The following DIS3L2 variants were observed in gnomAD, a reference collection of about 807,000 sequenced individuals.
DIS3L2 encodes the protein DIS3-like exonuclease 2.
DIS3L2 carries 34 observed loss-of-function variants against 97.5 expected under a neutral mutation model. The observed-to-expected ratio is 0.35, with a 90% confidence interval of 0.27 to 0.46. DIS3L2 has a LOEUF of 0.46. Ranked by LOEUF, DIS3L2 falls within the 20% of genes least tolerant of loss-of-function variation. DIS3L2 has a pLI of 1.00. For synonymous variants in DIS3L2, 435 were observed against 445.2 expected (o/e 0.98, Z 0.29); for missense variants, 1,038 against 1,146.0 (o/e 0.91, Z 1.36).
chr2:232,341,138 T>A, downstream of DIS3L2: 1 of 359,654 alleles, frequency 2.8e-6, no homozygotes, highest in South Asian at 2.1e-5. Flanking sequence ...CAGATACATG[T>A]CCCTCGCCTT....
intron 6 of DIS3L2, among the ~76,000 whole-genome samples, chr2:232,098,169 C>T (rs925001610): frequency 5.3e-5 from 8 of 152,094 alleles, no homozygotes; most frequent in African/African-American, 1.2e-4. Flanking sequence ...CCAGACATTC[C>T]TCCCTATGAA....
At chr2:232,114,952 C>CT (rs1260380667) in intron 6 of DIS3L2, among the ~76,000 whole-genome samples, 1 of 152,134 alleles carries the variant, frequency 6.6e-6, no homozygotes, top group Non-Finnish European at 1.5e-5. Context: ...AGTGGGGACT[C>CT]TCTGCAGAGT....
At chr2:232,125,552 C>A (rs1698040935) in intron 6 of DIS3L2, among the ~76,000 whole-genome samples, 1 of 152,184 alleles carries the variant, frequency 6.6e-6, no homozygotes, top group African/African-American at 2.4e-5. Context: ...TAACAGTACC[C>A]ACTTTACCCA....
chr2:232,126,514 A>C (rs1240678786), intron 6 of DIS3L2, among the ~76,000 whole-genome samples: 1 of 152,166 alleles, frequency 6.6e-6, no homozygotes, highest in Non-Finnish European at 1.5e-5. Flanking sequence ...AGGTCCAGCT[A>C]TCAAATCCAC....
intron 16 of DIS3L2, chr2:232,331,762 C>T (rs1297271650): frequency 6.6e-6 from 1 of 152,256 alleles, no homozygotes; most frequent in Non-Finnish European, 1.5e-5. Context: ...ATGTCCCTGC[C>T]TCTGACGCCA....
At position 232,096,384 on chromosome 2, in the gene DIS3L2, C is replaced by T. The variant is rs543724779; in HGVS notation, c.601+8663C>T. On this transcript the variant is annotated intron_variant, in intron 6 of 20. Coordinates refer to ENST00000325385, the MANE Select transcript of DIS3L2 (RefSeq NM_152383.5). The stretch of plus-strand genomic sequence containing the variant: ...TACAAGCGTGAGCCACTGCACCCAG[C>T]GCCTTGGGGTAGTTTTCTTTTAGTT... 1.0e-4 allele frequency among the ~76,000 whole-genome samples: 15 copies of T among 149,508 alleles called. No individual in the cohort carries two copies. In the South Asian group the frequency reaches 1.5e-3, roughly 15 times the overall value.
At chr2:232,309,310 T>C (rs562301109) in intron 14 of DIS3L2, among the ~76,000 whole-genome samples, 7 of 152,214 alleles carry the variant, frequency 4.6e-5, no homozygotes, top group Non-Finnish European at 4.4e-5. Context: ...TCAGTTCAGA[T>C]CTGCAGAGAA....
intron 14 of DIS3L2, among the ~76,000 whole-genome samples, chr2:232,318,660 G>A (rs1464426006): frequency 3.9e-5 from 6 of 152,130 alleles, no homozygotes; most frequent in African/African-American, 9.7e-5. Flanking sequence ...TGCTTCTCCC[G>A]GCTGGAGTGT....
intron 14 of DIS3L2, among the ~76,000 whole-genome samples, chr2:232,327,065 G>A (rs982208418): frequency 1.3e-5 from 2 of 152,208 alleles, no homozygotes; most frequent in African/African-American, 2.4e-5. Context: ...CCATGAGAAG[G>A]GATGTGGAGA....
At chr2:232,310,992 G>A (rs192591789) in intron 14 of DIS3L2, among the ~76,000 whole-genome samples, 2 of 152,256 alleles carry the variant, frequency 1.3e-5, no homozygotes, top group Non-Finnish European at 2.9e-5. Context: ...CTTGCTGGGA[G>A]AACCAGGGAG....
In DIS3L2 at chr2:232,239,655, A is replaced by G. The variant is rs185735424; in HGVS notation, c.1317+1010A>G. On this transcript the variant is annotated intron_variant, in intron 11 of 20. Transcript: ENST00000325385. Reference sequence around the variant, plus strand: ...CTGGTATTTGCTCATTGACTGCCCTAAGGTCAGAGGAATATCCCCACCATC... The same window carrying G: ...CTGGTATTTGCTCATTGACTGCCCTGAGGTCAGAGGAATATCCCCACCATC... Among the ~76,000 whole-genome samples the G allele has an allele frequency of 2.0e-5, 3 of 152,272 alleles. No homozygotes were observed. The East Asian group carries it at 5.8e-4, about 29-fold the overall frequency.
At chr2:232,075,905 A>G (rs1272103513) in intron 5 of DIS3L2, among the ~76,000 whole-genome samples, 8 of 152,154 alleles carry the variant, frequency 5.3e-5, no homozygotes. Context: ...AGTTCCCACA[A>G]TAGTTTTGTG....
At chr2:232,267,006 ATTGT>A (rs887147389) in intron 13 of DIS3L2, among the ~76,000 whole-genome samples, 3 of 152,072 alleles carry the variant, frequency 2.0e-5, no homozygotes, top group African/African-American at 4.8e-5. Context: ...TAGTATGGTG[ATTGT>A]TTGTTGAGTT....
At chr2:231,961,831 G>T (rs1692563217) in intron 1 of DIS3L2, 66 bp downstream of exon 1, 1 of 152,404 alleles carries the variant, frequency 6.6e-6, no homozygotes, top group African/African-American at 2.4e-5. Flanking sequence ...GGACCGACCC[G>T]GGGTCTGGCC....
At chr2:232,153,608 A>G (rs1431743427) in intron 8 of DIS3L2, among the ~76,000 whole-genome samples, 404 of 69,608 alleles carry the variant, frequency 5.8e-3, no homozygotes, top group Non-Finnish European at 8.4e-3. Context: ...GGGTAACCCG[A>G]CCTTTCTCTC....
chr2:232,171,627 A>G (rs1253609272), intron 9 of DIS3L2, among the ~76,000 whole-genome samples: 2 of 152,132 alleles, frequency 1.3e-5, no homozygotes, highest in African/African-American at 4.8e-5. Context: ...AGCTGGAGGG[A>G]AGCAAGATTA....
In DIS3L2 at chr2:232,129,785, C is replaced by T. The variant is rs575176337; in HGVS notation, c.602-834C>T. On this transcript the variant is annotated intron_variant, in intron 6 of 20. Transcript: ENST00000325385. ...ATAAGTGCAAGTTTCTCTTAGCTCT[C>T]TGGAGAGGCTCCCACGTAAATTGGT... is the stretch of plus-strand genomic sequence containing the variant. 1.9e-4 allele frequency among the ~76,000 whole-genome samples: 29 copies of T among 152,346 alleles called. No individual in the cohort carries two copies. The South Asian group carries it at 5.8e-3, about 30-fold the overall frequency.
At chr2:232,130,506 G>A (rs1698184535) in intron 6 of DIS3L2, 113 bp from the exon 7 acceptor site, 2 of 1,271,486 alleles carry the variant, frequency 1.6e-6, no homozygotes, top group South Asian at 3.3e-5. Context: ...TGTAAAGTGA[G>A]TAGTTTGGGG....
intron 1 of DIS3L2, among the ~76,000 whole-genome samples, chr2:231,999,186 A>G (rs1426981135): frequency 6.6e-6 from 1 of 152,230 alleles, no homozygotes; most frequent in African/African-American, 2.4e-5. Flanking sequence ...ATTTACATAA[A>G]TAGGTGGATG....
Sources: allele counts gnomAD v4.1 joint callset (sites outside exome capture counted in the v4.1 genomes callset), GRCh38; gene constraint gnomAD v4.1.1; transcripts MANE v1.5; gene names NCBI Gene and HGNC (gene_info 2026-07-23, HGNC 2026-07-21).